The following CYP2C19 variants were observed in gnomAD, a reference collection of about 807,000 sequenced individuals.
CYP2C19 encodes the protein cytochrome P450 family 2 subfamily C member 19, also known as cytochrome P450 2C19.
A neutral mutation model predicts 40.9 loss-of-function variants in CYP2C19; 59 were observed. That is an observed-to-expected ratio of 1.44 (90% CI 1.17 to 1.79). The LOEUF (loss-of-function observed/expected upper bound fraction) is 1.79. Ranked by LOEUF, CYP2C19 falls within the 40% of genes most tolerant of loss-of-function variation. CYP2C19 has a pLI of 0.00. For missense variants in CYP2C19, 754 were observed against 596.9 expected, an observed-to-expected ratio of 1.26 and a Z score of -2.74; for synonymous variants, 253 against 208.7, an observed-to-expected ratio of 1.21 and a Z score of -1.83.
chr10:94,848,198 T>C (rs1453905674), intron 7 of CYP2C19, among the ~76,000 whole-genome samples: 2 of 152,246 alleles, frequency 1.3e-5, no homozygotes, highest in Admixed American at 6.5e-5. Context: ...TTCTAGGATT[T>C]TTATGGTTTT....
chr10:94,771,900 C>T (rs958934269), intron 1 of CYP2C19, among the ~76,000 whole-genome samples: 7 of 152,204 alleles, frequency 4.6e-5, no homozygotes, highest in South Asian at 4.1e-4. Context: ...TGAGGAAGGT[C>T]GGATTTAGTG....
intron 1 of CYP2C19, among the ~76,000 whole-genome samples, chr10:94,765,137 C>G (rs1848222798): frequency 6.6e-6 from 1 of 152,036 alleles, no homozygotes; most frequent in East Asian, 1.9e-4. Flanking sequence ...CTGAGAAATT[C>G]TTTGAGAGTG....
intron 8 of CYP2C19, 127 bp downstream of exon 8, chr10:94,850,185 G>C (rs1849631703): frequency 8.9e-7 from 1 of 1,120,910 alleles, no homozygotes; most frequent in Non-Finnish European, 1.3e-6. Context: ...GCACTGTTCT[G>C]AATGCCTGTG....
At chr10:94,848,324 T>A (rs1160248222) in intron 7 of CYP2C19, among the ~76,000 whole-genome samples, 1 of 152,242 alleles carries the variant, frequency 6.6e-6, no homozygotes, top group Non-Finnish European at 1.5e-5. Context: ...GCACCATTTA[T>A]TAAATAGGGA....
chr10:94,767,577 C>A (rs11596777), intron 1 of CYP2C19, among the ~76,000 whole-genome samples: 30,521 of 152,102 alleles, frequency 0.2, 3,291 homozygotes, highest in Middle Eastern at 0.23. Flanking sequence ...TTTGTTCCCC[C>A]CAAAGGGGCC....
At chr10:94,796,341 T>G (rs1234453778) in intron 5 of CYP2C19, among the ~76,000 whole-genome samples, 1 of 152,206 alleles carries the variant, frequency 6.6e-6, no homozygotes, top group Non-Finnish European at 1.5e-5. Flanking sequence ...GGCTCTGTTC[T>G]GTTCCATTGG....
At chr10:94,834,520 C>T (rs1159048259) in intron 6 of CYP2C19, among the ~76,000 whole-genome samples, 2 of 149,084 alleles carry the variant, frequency 1.3e-5, no homozygotes, top group African/African-American at 2.5e-5. Context: ...TTTATTATTT[C>T]TTTTGTTCTA....
At position 94,854,731 on chromosome 10, in the gene CYP2C19, A is replaced by G. The variant is rs1209200562; in HGVS notation, c.*1817A>G. On this transcript the variant is annotated 3_prime_UTR_variant, in exon 9 of 9. Transcript: ENST00000371321. The stretch of plus-strand genomic sequence containing the variant: ...ATATAGGGTTAAATGTTTATTTACA[A>G]TATTGGGCTCATATCACACATCTTG... Among the ~76,000 whole-genome samples, 1 of 152,134 alleles carries G rather than the reference A, an allele frequency of 6.6e-6. No homozygotes were observed. The highest frequency in any genetic ancestry group is 1.5e-5 in the Non-Finnish European group (1 of 68,038).
intron 5 of CYP2C19, among the ~76,000 whole-genome samples, chr10:94,802,654 A>T (rs1483548716): frequency 6.6e-6 from 1 of 152,036 alleles, no homozygotes; most frequent in African/African-American, 2.4e-5. Context: ...TTTGCTTGTT[A>T]GTTGATGCAG....
In CYP2C19 at chr10:94,853,032, C is replaced by A. The variant is rs903529348; in HGVS notation, c.*118C>A. On this transcript the variant is annotated 3_prime_UTR_variant, in exon 9 of 9. Coordinates refer to ENST00000371321, the MANE Select transcript of CYP2C19 (RefSeq NM_000769.4). ...CGTCATCTCACATTTTCCCTTCCCC[C>A]AAGATCTAGTGAACATTCAGCCTCC... 3.9e-5 allele frequency: 44 copies of A among 1,120,654 alleles called. No homozygotes were observed. In the Middle Eastern group the frequency reaches 7.7e-4, roughly 20 times the overall value. 69.4% of individuals were successfully genotyped at this position (1,120,654 alleles called of 1,614,324 possible). A position where few individuals can be genotyped will look rare whatever the true frequency, so the allele number is the denominator to read the frequency against.
At chr10:94,787,601 T>TA (rs1403007002) in intron 5 of CYP2C19, among the ~76,000 whole-genome samples, 3 of 152,096 alleles carry the variant, frequency 2.0e-5, no homozygotes, top group Non-Finnish European at 2.9e-5. Flanking sequence ...ATTACATATA[T>TA]TTTTTTCTAT....
chr10:94,789,004 A>G (rs1289340544), intron 5 of CYP2C19, among the ~76,000 whole-genome samples: 1 of 152,110 alleles, frequency 6.6e-6, no homozygotes, highest in African/African-American at 2.4e-5. Context: ...CCTTTCCAAC[A>G]TCTGTTGTTT....
At position 94,787,231 on chromosome 10, in the gene CYP2C19, G is replaced by A. The variant is rs113049531; in HGVS notation, c.819+5234G>A. 3.1e-3 allele frequency among the ~76,000 whole-genome samples: 473 copies of A among 152,112 alleles called. 2 individuals carry two copies. Among genetic ancestry groups the A allele is most frequent in the African/African-American group, 0.011 (449 of 41,524 alleles). ...TGATATCTCATTGTGGTTTTGATTT[G>A]CATTTCTCTGATGATAAGTGATGTT... is the stretch of plus-strand genomic sequence containing the variant. On this transcript the variant is annotated intron_variant, in intron 5 of 8. Transcript: ENST00000371321.
intron 5 of CYP2C19, among the ~76,000 whole-genome samples, chr10:94,802,933 T>C (rs1203499805): frequency 2.0e-5 from 3 of 152,348 alleles, no homozygotes; most frequent in South Asian, 2.1e-4. Context: ...TTCTCGCTTG[T>C]CATGTTTCTG....
chr10:94,823,070 T>A (rs553787025), intron 6 of CYP2C19, among the ~76,000 whole-genome samples: 1 of 152,114 alleles, frequency 6.6e-6, no homozygotes, highest in Non-Finnish European at 1.5e-5. Context: ...GGAGGAATAA[T>A]AAATCAGTAC....
chr10:94,848,771 T>C (rs1247541542), intron 7 of CYP2C19, among the ~76,000 whole-genome samples: 1 of 152,224 alleles, frequency 6.6e-6, no homozygotes, highest in Non-Finnish European at 1.5e-5. Context: ...GGTTTGTAGT[T>C]CTCCTTAAAG....
chr10:94,798,814 A>ATTTTTTTTTTTTT (rs61240923), intron 5 of CYP2C19, among the ~76,000 whole-genome samples: 98 of 67,682 alleles, frequency 1.4e-3, no homozygotes, highest in Middle Eastern at 0.038. Flanking sequence ...GCAACCCCTG[A>ATTTTTTTTTTTTT]TTTTTTTTTT....
chr10:94,801,534 A>G (rs1848765423), intron 5 of CYP2C19, among the ~76,000 whole-genome samples: 1 of 152,098 alleles, frequency 6.6e-6, no homozygotes. Flanking sequence ...TTTTAGACTA[A>G]GTGTTATGTG....
chr10:94,827,947 G>A (rs1043501439), intron 6 of CYP2C19, among the ~76,000 whole-genome samples: 4 of 151,794 alleles, frequency 2.6e-5, no homozygotes, highest in Non-Finnish European at 2.9e-5. Context: ...GGAGCAGGTT[G>A]TTCAGTTTCC....
Sources: gnomAD v4.1 joint callset for allele counts (sites outside exome capture counted in the v4.1 genomes callset) on GRCh38, gnomAD v4.1.1 for gene constraint, MANE v1.5 for transcripts, NCBI Gene and HGNC (gene_info 2026-07-23, HGNC 2026-07-21) for gene names.